RSRC1: variants seen among roughly 807,000 people sequenced by gnomAD.
The protein encoded by RSRC1 is serine/Arginine-related protein 53.
A neutral mutation model predicts 49.1 loss-of-function variants in RSRC1; 39 were observed. The ratio of observed to expected loss-of-function variants is 0.79; its 90% CI spans 0.61 to 1.04. The LOEUF is 1.04. RSRC1 is among the 50% of genes least tolerant of loss of function. The pLI, the probability that RSRC1 is intolerant of heterozygous loss-of-function variation, is 0.00. For synonymous variants in RSRC1, 143 were observed against 130.8 expected, an observed-to-expected ratio of 1.09 and a Z score of -0.63; for missense variants, 388 against 402.4, an observed-to-expected ratio of 0.96 and a Z score of 0.31.
At chr3:158,287,629 T>C (rs934831224) in intron 4 of RSRC1, among the ~76,000 whole-genome samples, 2 of 152,196 alleles carry the variant, frequency 1.3e-5, no homozygotes, top group Non-Finnish European at 2.9e-5. Flanking sequence ...CATTAAAATA[T>C]TATATGCAAG....
At chr3:158,439,141 G>A (rs1271869885) in intron 6 of RSRC1, among the ~76,000 whole-genome samples, 61 of 151,532 alleles carry the variant, frequency 4.0e-4, no homozygotes, top group Middle Eastern at 3.4e-3. Context: ...TTAGAATGGC[G>A]ATCATTAAAA....
At chr3:158,244,941 G>A (rs190722104) in intron 4 of RSRC1, among the ~76,000 whole-genome samples, 2 of 149,470 alleles carry the variant, frequency 1.3e-5, no homozygotes, top group Non-Finnish European at 3.0e-5. Flanking sequence ...TCTGATGGTT[G>A]GTTGTATCTA....
At chr3:158,237,911 C>T (rs1476536520) in intron 4 of RSRC1, among the ~76,000 whole-genome samples, 2 of 152,174 alleles carry the variant, frequency 1.3e-5, no homozygotes, top group African/African-American at 4.8e-5. Context: ...AGTTTTTGCT[C>T]ATTCAGTATG....
At chr3:158,308,429 C>T (rs987948805) in intron 5 of RSRC1, among the ~76,000 whole-genome samples, 1 of 151,852 alleles carries the variant, frequency 6.6e-6, no homozygotes, top group African/African-American at 2.4e-5. Flanking sequence ...AGGCGTCTCT[C>T]GGCAGCAACA....
chr3:158,328,876 A>G (rs1290233094), intron 5 of RSRC1, among the ~76,000 whole-genome samples: 10 of 152,206 alleles, frequency 6.6e-5, no homozygotes, highest in Non-Finnish European at 1.2e-4. Flanking sequence ...AGGTACACCA[A>G]TCAGACGTAG....
chr3:158,190,871 C>T (rs1406840954), intron 3 of RSRC1, among the ~76,000 whole-genome samples: 1 of 151,844 alleles, frequency 6.6e-6, no homozygotes, highest in African/African-American at 2.4e-5. Context: ...TGGCTTTAAC[C>T]CTTCTTGAAT....
chr3:158,147,213 A>G (rs1717194763), intron 3 of RSRC1, among the ~76,000 whole-genome samples: 1 of 147,298 alleles, frequency 6.8e-6, no homozygotes, highest in Non-Finnish European at 1.5e-5. Flanking sequence ...GCTAAAAGGA[A>G]ATTTTCTTAT....
In RSRC1 at chr3:158,282,142, G is replaced by C. The variant is rs528246122; in HGVS notation, c.495-15897G>C. Among the ~76,000 whole-genome samples, 10 of 152,276 alleles carry C rather than the reference G, an allele frequency of 6.6e-5. No individual in the cohort carries two copies. The South Asian group carries it at 1.7e-3, about 25-fold the overall frequency. The stretch of plus-strand genomic sequence containing the variant: ...AAGAGCTTCATGTGGTAACAAAGCA[G>C]GTTTACCTAAGCAAATAATTAAGTT... On this transcript the variant is annotated intron_variant, in intron 4 of 9. Coordinates refer to ENST00000611884, the MANE Select transcript of RSRC1 (RefSeq NM_001271838.2).
chr3:158,442,599 T>C (rs1193621570), intron 6 of RSRC1, among the ~76,000 whole-genome samples: 1 of 152,068 alleles, frequency 6.6e-6, no homozygotes, highest in Non-Finnish European at 1.5e-5. Flanking sequence ...AAATCATCCA[T>C]GAGGGGTTTG....
intron 7 of RSRC1, among the ~76,000 whole-genome samples, chr3:158,489,835 A>T (rs1397776655): frequency 6.6e-6 from 1 of 152,158 alleles, no homozygotes; most frequent in Admixed American, 6.5e-5. Context: ...AAACAGGAAA[A>T]GGGATTAGTA....
intron 5 of RSRC1, among the ~76,000 whole-genome samples, chr3:158,340,390 A>C (rs1427470119): frequency 1.3e-5 from 2 of 151,956 alleles, no homozygotes; most frequent in Admixed American, 1.3e-4. Context: ...AAAATACAAA[A>C]ATTAGCTGGG....
intron 4 of RSRC1, among the ~76,000 whole-genome samples, chr3:158,252,157 A>G (rs1405835583): frequency 8.7e-5 from 13 of 148,720 alleles, no homozygotes; most frequent in Non-Finnish European, 1.6e-4. Flanking sequence ...GTCATGATGA[A>G]TGATTTTTTT....
chr3:158,520,123 A>G (rs1204046241), intron 7 of RSRC1, among the ~76,000 whole-genome samples: 1 of 152,096 alleles, frequency 6.6e-6, no homozygotes, highest in African/African-American at 2.4e-5. Context: ...GTTTTTAAAT[A>G]CTCTCTAGAA....
At chr3:158,482,906 A>G (rs1368012207) in intron 7 of RSRC1, among the ~76,000 whole-genome samples, 1 of 151,982 alleles carries the variant, frequency 6.6e-6, no homozygotes, top group Non-Finnish European at 1.5e-5. Context: ...CAGAAATCAA[A>G]TTATTTAACC....
At chr3:158,450,509 A>G (rs1402019468) in intron 6 of RSRC1, among the ~76,000 whole-genome samples, 6 of 151,824 alleles carry the variant, frequency 4.0e-5, no homozygotes, top group South Asian at 2.1e-4. Flanking sequence ...TTACCTGTAC[A>G]TTTGTATTGC....
intron 3 of RSRC1, among the ~76,000 whole-genome samples, chr3:158,150,577 A>G (rs145301473): frequency 6.6e-6 from 1 of 152,230 alleles, no homozygotes; most frequent in East Asian, 1.9e-4. Context: ...TTATATTAAT[A>G]TTATGTGTTA....
chr3:158,468,681 A>G (rs1737995453), intron 7 of RSRC1, among the ~76,000 whole-genome samples: 2 of 152,180 alleles, frequency 1.3e-5, no homozygotes, highest in South Asian at 2.1e-4. Flanking sequence ...ATATTATTAT[A>G]TAAGTGTTTG....
intron 6 of RSRC1, among the ~76,000 whole-genome samples, chr3:158,398,656 G>A (rs1270186854): frequency 2.0e-5 from 3 of 152,094 alleles, no homozygotes; most frequent in African/African-American, 7.2e-5. Context: ...ATTATAAAAT[G>A]ATAAATTTGC....
Position 158,274,575 on chromosome 3 carries a change from G to A in RSRC1, c.495-23464G>A, listed in dbSNP as rs559729183. 4.6e-5 allele frequency among the ~76,000 whole-genome samples: 7 copies of A among 152,200 alleles called. No homozygotes were observed. The East Asian group carries it at 1.3e-3, about 29-fold the overall frequency. The stretch of plus-strand genomic sequence containing the variant: ...CCCTAGAGAAGATAGGAGAAAATCG[G>A]TTCAGAGAAGCAAGCATTTAAATTA... On this transcript the variant is annotated intron_variant, in intron 4 of 9. Coordinates refer to ENST00000611884, the MANE Select transcript of RSRC1 (RefSeq NM_001271838.2).
Sources: gnomAD v4.1 joint callset for allele counts (sites outside exome capture counted in the v4.1 genomes callset) on GRCh38, gnomAD v4.1.1 for gene constraint, MANE v1.5 for transcripts, NCBI Gene and HGNC (gene_info 2026-07-23, HGNC 2026-07-21) for gene names.